Variants in MLLT3 observed in about 807,000 individuals in gnomAD.
MLLT3 encodes MLLT3 super elongation complex subunit, also known as protein AF-9.
In MLLT3, 4 loss-of-function variants were observed where a neutral mutation model predicts 53.2. The ratio of observed to expected loss-of-function variants is 0.08; its 90% CI spans 0.04 to 0.17. The LOEUF (loss-of-function observed/expected upper bound fraction) is 0.17, where lower values mean the gene tolerates loss of function less well. MLLT3 is among the 10% of genes least tolerant of loss of function. The probability of loss-of-function intolerance (pLI) is 1.00; values close to 1 mark genes in which losing one functional copy is unlikely to be tolerated. For missense variants in MLLT3, 569 were observed against 684.0 expected (o/e 0.83, Z 1.87); for synonymous variants, 283 against 230.6 (o/e 1.23, Z -2.06).
intron 2 of MLLT3, among the ~76,000 whole-genome samples, chr9:20,611,799 A>T (rs1820710263): frequency 1.3e-5 from 2 of 152,084 alleles, no homozygotes; most frequent in African/African-American, 4.8e-5. Flanking sequence ...CAAACTTACC[A>T]CACTTAAGTC....
At chr9:20,472,763 A>G (rs1313789918) in intron 2 of MLLT3, among the ~76,000 whole-genome samples, 1 of 152,096 alleles carries the variant, frequency 6.6e-6, no homozygotes, top group Middle Eastern at 3.2e-3. Flanking sequence ...TTAACTTCTA[A>G]ACCATATCCT....
rs113606509 is a variant in MLLT3, at chr9:20,561,271, A to C, written c.193+59383T>G. Reference sequence around the variant, plus strand: ...GACAGAGCACTATATATATAGACAAAAAATGAGGGAAATCATTGGCACACT... The same window carrying C: ...GACAGAGCACTATATATATAGACAACAAATGAGGGAAATCATTGGCACACT... On this transcript the variant is annotated intron_variant, in intron 2 of 10. Coordinates refer to ENST00000380338, the MANE Select transcript of MLLT3 (RefSeq NM_004529.4). 2.9e-3 allele frequency among the ~76,000 whole-genome samples: 435 copies of C among 152,300 alleles called. 3 individuals carry two copies. Among genetic ancestry groups the C allele is most frequent in the African/African-American group, 1.0e-2 (415 of 41,568 alleles).
intron 2 of MLLT3, among the ~76,000 whole-genome samples, chr9:20,462,065 G>A (rs547490050): frequency 7.2e-5 from 11 of 152,292 alleles, no homozygotes; most frequent in African/African-American, 2.4e-4. Flanking sequence ...AAACTGTTCT[G>A]CACAAGCATC....
At chr9:20,401,192 A>G (rs1224993113) in intron 5 of MLLT3, among the ~76,000 whole-genome samples, 1 of 152,214 alleles carries the variant, frequency 6.6e-6, no homozygotes, top group East Asian at 1.9e-4. Context: ...TTCCTTTTAC[A>G]TGAAGGTAAA....
At chr9:20,384,894 G>C (rs941839018) in intron 5 of MLLT3, among the ~76,000 whole-genome samples, 5 of 152,024 alleles carry the variant, frequency 3.3e-5, no homozygotes, top group African/African-American at 1.2e-4. Flanking sequence ...GCACTCCCCA[G>C]CCGCACCCTC....
Position 20,362,706 on chromosome 9 carries a change from C to CTTTTTTTTTTTTTT in MLLT3, c.1331+756_1331+769dup, listed in dbSNP as rs989895694. 1.6e-4 allele frequency: 16 copies of CTTTTTTTTTTTTTT among 99,676 alleles called. 1 individual carries two copies. Among genetic ancestry groups the CTTTTTTTTTTTTTT allele is most frequent in the East Asian group, 9.8e-4 (3 of 3,076 alleles). 6.2% of individuals were successfully genotyped at this position (99,676 alleles called of 1,614,324 possible). ...GTCTCTCCAGTTTGGGTTAAGACCG[C>CTTTTTTTTTTTTTT]TTTTTTTTTTTTTTTTTTTTTTGAA... On this transcript the variant is annotated intron_variant, in intron 7 of 10. Coordinates refer to ENST00000380338, the MANE Select transcript of MLLT3 (RefSeq NM_004529.4).
intron 4 of MLLT3, among the ~76,000 whole-genome samples, chr9:20,432,768 C>T (rs975609200): frequency 3.8e-4 from 58 of 152,126 alleles, no homozygotes; most frequent in African/African-American, 1.2e-3. Flanking sequence ...TGGGAAACGG[C>T]TGCCTTACAA....
At position 20,469,609 on chromosome 9, in the gene MLLT3, A is replaced by G. The variant is rs150799402; in HGVS notation, c.194-12823T>C. On this transcript the variant is annotated intron_variant, in intron 2 of 10. Transcript: ENST00000380338. Reference sequence around the variant, plus strand: ...GCTTCTGCCAGTAGTTGAATCTTAAAGTCAAAGAGAAGAACACAACTCAAA... The same window carrying G: ...GCTTCTGCCAGTAGTTGAATCTTAAGGTCAAAGAGAAGAACACAACTCAAA... Among the ~76,000 whole-genome samples, 20 of 152,228 alleles carry G rather than the reference A, an allele frequency of 1.3e-4. No homozygotes were observed. In the East Asian group the frequency reaches 2.7e-3, roughly 21 times the overall value.
In MLLT3 at chr9:20,349,452, G is replaced by A. The variant is rs74672675; in HGVS notation, c.1576-2878C>T. ...GATGCTTTTTCCTCTCGCCCCCAATGAGTGTTAGCCATTTCATTAGCACTA... is the reference window on the plus strand; with the variant it reads ...GATGCTTTTTCCTCTCGCCCCCAATAAGTGTTAGCCATTTCATTAGCACTA... On this transcript the variant is annotated intron_variant, in intron 10 of 10. Transcript: ENST00000380338. Among the ~76,000 whole-genome samples the A allele has an allele frequency of 2.4e-3, 364 of 151,972 alleles. 4 individuals are homozygous for A. In the East Asian group the frequency reaches 0.03, roughly 12 times the overall value.
intron 2 of MLLT3, among the ~76,000 whole-genome samples, chr9:20,590,262 T>C (rs1372980498): frequency 6.6e-6 from 1 of 152,174 alleles, no homozygotes; most frequent in African/African-American, 2.4e-5. Context: ...TGTGCCTCCC[T>C]AGAAAGCATG....
intron 4 of MLLT3, among the ~76,000 whole-genome samples, chr9:20,419,184 C>T (rs1391314379): frequency 6.6e-6 from 1 of 151,934 alleles, no homozygotes; most frequent in African/African-American, 2.4e-5. Flanking sequence ...AAAATAACTT[C>T]TGGAAAAAAA....
intron 2 of MLLT3, among the ~76,000 whole-genome samples, chr9:20,544,324 C>G (rs1050003181): frequency 2.0e-5 from 3 of 152,072 alleles, no homozygotes; most frequent in African/African-American, 7.2e-5. Context: ...ATATATACCA[C>G]GCTCACAAAC....
At chr9:20,459,635 T>A (rs1824059982) in intron 2 of MLLT3, among the ~76,000 whole-genome samples, 1 of 152,226 alleles carries the variant, frequency 6.6e-6, no homozygotes, top group African/African-American at 2.4e-5. Context: ...TTAGTATAAT[T>A]CATTTTCTCT....
chr9:20,409,875 A>G (rs923639037), intron 5 of MLLT3, among the ~76,000 whole-genome samples: 2 of 152,228 alleles, frequency 1.3e-5, no homozygotes. Flanking sequence ...TAACTCAAAG[A>G]TAAATCATTT....
intron 4 of MLLT3, among the ~76,000 whole-genome samples, chr9:20,419,268 G>C (rs527511333): frequency 6.6e-6 from 1 of 151,982 alleles, no homozygotes; most frequent in African/African-American, 2.4e-5. Flanking sequence ...GTAGAAGATC[G>C]ATGCTAACTG....
intron 2 of MLLT3, among the ~76,000 whole-genome samples, chr9:20,533,506 C>T (rs924849097): frequency 6.6e-6 from 1 of 152,098 alleles, no homozygotes; most frequent in Non-Finnish European, 1.5e-5. Flanking sequence ...GGAGGTTCCT[C>T]AAAAAATTAA....
rs1821296381 is a variant in MLLT3 at position 20,360,622 on chromosome 9, A to G, written c.1431+120T>C. 1.8e-5 allele frequency: 14 copies of G among 773,006 alleles called. No individual in the cohort carries two copies. The South Asian group carries it at 1.9e-4, about 10-fold the overall frequency. 47.9% of individuals were successfully genotyped at this position (773,006 alleles called of 1,614,324 possible). On this transcript the variant is annotated intron_variant, in intron 8 of 10. Transcript: ENST00000380338. ...TTCCACAGGCTGTGGCCTCCCTCCC[A>G]TCTATTTGGCATCAAGAGGAAGTTT...
intron 2 of MLLT3, among the ~76,000 whole-genome samples, chr9:20,535,130 G>A (rs377252763): frequency 9.2e-5 from 14 of 152,216 alleles, no homozygotes; most frequent in Admixed American, 3.3e-4. Context: ...GTGAGCTAGC[G>A]TTACCGCCTG....
At chr9:20,370,500 A>G (rs1821571187) in intron 5 of MLLT3, among the ~76,000 whole-genome samples, 1 of 151,552 alleles carries the variant, frequency 6.6e-6, no homozygotes, top group Non-Finnish European at 1.5e-5. Flanking sequence ...TTCAAATGAA[A>G]GGAAGAGCCA....
Sources: allele counts gnomAD v4.1 joint callset (sites outside exome capture counted in the v4.1 genomes callset), GRCh38; gene constraint gnomAD v4.1.1; transcripts MANE v1.5; gene names NCBI Gene and HGNC (gene_info 2026-07-23, HGNC 2026-07-21).